Variants in KLF12 observed in about 807,000 individuals in gnomAD.
KLF12 encodes the protein KLF transcription factor 12, also known as Krueppel-like factor 12.
Under a neutral mutation model 37.8 loss-of-function variants are expected in KLF12, and 9 were observed. The observed-to-expected ratio is 0.24, with a 90% CI of 0.14 to 0.42. KLF12 has a LOEUF of 0.42. KLF12 is among the 10% of genes least tolerant of loss of function. The pLI is 1.00. For synonymous variants in KLF12, 208 were observed against 202.1 expected (o/e 1.03, Z -0.25); for missense variants, 411 against 516.0 (o/e 0.80, Z 1.97).
At chr13:74,299,348 G>C in the KLF12 span, among the ~76,000 whole-genome samples, 3 of 152,140 alleles carry the variant, frequency 2.0e-5, no homozygotes, top group African/African-American at 7.2e-5. Context: ...CCTGGCTCAG[G>C]CTTTGCTGGT....
intron 6 of KLF12, among the ~76,000 whole-genome samples, chr13:73,741,523 T>C (rs1176827225): frequency 6.6e-6 from 1 of 152,228 alleles, no homozygotes; most frequent in Non-Finnish European, 1.5e-5. Flanking sequence ...TTACAGTTCT[T>C]AGGCCAATAA....
At chr13:74,243,842 A>C in the KLF12 span, among the ~76,000 whole-genome samples, 1 of 152,218 alleles carries the variant, frequency 6.6e-6, no homozygotes, top group Non-Finnish European at 1.5e-5. Flanking sequence ...AGGGCATTCT[A>C]AGCAATGGGA....
chr13:74,073,100 C>T (rs1392930822), intron 1 of KLF12, among the ~76,000 whole-genome samples: 1 of 152,196 alleles, frequency 6.6e-6, no homozygotes, highest in African/African-American at 2.4e-5. Context: ...CGTGTCTTTG[C>T]TCCTCCTTTG....
the KLF12 span, among the ~76,000 whole-genome samples, chr13:74,150,955 G>C: frequency 1.3e-5 from 2 of 152,042 alleles, no homozygotes; most frequent in African/African-American, 4.8e-5. Flanking sequence ...GTTGAGCTTG[G>C]GTATCTGAAA....
chr13:73,941,880 A>G (rs937673248), intron 3 of KLF12, among the ~76,000 whole-genome samples: 2 of 152,222 alleles, frequency 1.3e-5, no homozygotes, highest in Admixed American at 6.5e-5. Flanking sequence ...TCCAACATGC[A>G]GAATCTAAAT....
the KLF12 span, among the ~76,000 whole-genome samples, chr13:74,140,652 T>C: frequency 6.6e-6 from 1 of 151,942 alleles, no homozygotes; most frequent in African/African-American, 2.4e-5. Flanking sequence ...GATTGAACTC[T>C]AGGAATATAA....
At chr13:74,094,090 G>C (rs1187273130) in intron 1 of KLF12, among the ~76,000 whole-genome samples, 1 of 152,096 alleles carries the variant, frequency 6.6e-6, no homozygotes, top group Non-Finnish European at 1.5e-5. Flanking sequence ...ATGGGCAAAA[G>C]TAGCTAGGAC....
At chr13:74,248,736 T>C in the KLF12 span, among the ~76,000 whole-genome samples, 1 of 151,862 alleles carries the variant, frequency 6.6e-6, no homozygotes, top group African/African-American at 2.4e-5. Context: ...CTCTGAGCCA[T>C]GGGGAGGAAG....
the KLF12 span, among the ~76,000 whole-genome samples, chr13:74,159,883 T>A: frequency 6.6e-6 from 1 of 151,596 alleles, no homozygotes; most frequent in Non-Finnish European, 1.5e-5. Flanking sequence ...CATGTCTGTG[T>A]CCCAGCTACT....
chr13:73,710,696 C>T (rs1353164644), intron 7 of KLF12, among the ~76,000 whole-genome samples: 1 of 152,202 alleles, frequency 6.6e-6, no homozygotes, highest in Non-Finnish European at 1.5e-5. Context: ...TGACCAGCTG[C>T]TACCCCATCT....
intron 2 of KLF12, among the ~76,000 whole-genome samples, chr13:73,992,392 A>G (rs1891991923): frequency 6.6e-6 from 1 of 152,252 alleles, no homozygotes; most frequent in African/African-American, 2.4e-5. Context: ...TCCAAGTGCA[A>G]TGAAGCTGAG....
intron 1 of KLF12, among the ~76,000 whole-genome samples, chr13:74,060,701 A>T (rs1873545684): frequency 6.6e-6 from 1 of 152,196 alleles, no homozygotes; most frequent in South Asian, 2.1e-4. Flanking sequence ...GTATAAGATC[A>T]TGCCATCAGT....
chr13:74,154,279 T>A, the KLF12 span, among the ~76,000 whole-genome samples: 1 of 152,040 alleles, frequency 6.6e-6, no homozygotes, highest in African/African-American at 2.4e-5. Context: ...TTGAAAAAGG[T>A]AAAAACTTAT....
chr13:73,810,997 T>C (rs868803190), intron 5 of KLF12, among the ~76,000 whole-genome samples: 18 of 135,368 alleles, frequency 1.3e-4, no homozygotes, highest in Middle Eastern at 7.1e-3. Flanking sequence ...TTTTTTTTTT[T>C]TTTTTTTTTT....
intron 3 of KLF12, among the ~76,000 whole-genome samples, chr13:73,925,097 G>A (rs1190849252): frequency 6.6e-6 from 1 of 152,236 alleles, no homozygotes; most frequent in Non-Finnish European, 1.5e-5. Context: ...AGCAACAGCT[G>A]ATGTAAAAGC....
the KLF12 span, among the ~76,000 whole-genome samples, chr13:74,235,828 C>T: frequency 6.6e-6 from 1 of 152,070 alleles, no homozygotes; most frequent in Admixed American, 6.6e-5. Flanking sequence ...ACATATATGA[C>T]AGCATCTTAA....
chr13:74,154,468 A>T, the KLF12 span, among the ~76,000 whole-genome samples: 1 of 152,206 alleles, frequency 6.6e-6, no homozygotes, highest in Non-Finnish European at 1.5e-5. Flanking sequence ...GGAGTTACAC[A>T]TACACCATGG....
At chr13:74,046,610 A>G (rs922792104) in intron 1 of KLF12, among the ~76,000 whole-genome samples, 2 of 152,178 alleles carry the variant, frequency 1.3e-5, no homozygotes, top group Non-Finnish European at 2.9e-5. Context: ...AGAGGATACT[A>G]GAAAAAAGAG....
rs953712376 is a variant in KLF12, at chr13:73,845,742, T to C, written c.670+85A>G. 5.8e-6 allele frequency: 7 copies of C among 1,213,314 alleles called. No individual in the cohort carries two copies. In the South Asian group the frequency reaches 8.6e-5, roughly 15 times the overall value. 75.2% of individuals were successfully genotyped at this position (1,213,314 alleles called of 1,614,324 possible). On this transcript the variant is annotated intron_variant, in intron 4 of 7. Transcript: ENST00000377669. ...CACAGAACTTCTTTAGATGTAGTGT[T>C]TGTATACAATTTAGGTTTTGTTCAC...
Sources: allele counts gnomAD v4.1 joint callset (sites outside exome capture counted in the v4.1 genomes callset), GRCh38; gene constraint gnomAD v4.1.1; transcripts MANE v1.5; gene names NCBI Gene and HGNC (gene_info 2026-07-23, HGNC 2026-07-21).